The following C11orf52 variants were observed in gnomAD, a reference collection of about 807,000 sequenced individuals.
C11orf52 encodes the protein chromosome 11 open reading frame 52.
C11orf52 carries 9 observed loss-of-function variants against 11.7 expected under a neutral mutation model. The ratio of observed to expected loss-of-function variants is 0.77; its 90% CI spans 0.46 to 1.34. C11orf52 has a LOEUF of 1.34. Ranked by LOEUF, C11orf52 falls within the 40% of genes most tolerant of loss-of-function variation. The pLI is 0.00. For missense variants in C11orf52, 139 were observed against 154.8 expected (o/e 0.90, Z 0.54); for synonymous variants, 49 against 57.4 (o/e 0.85, Z 0.66).
At chr11:111,919,038 A>G (rs1555166306) in intron 1 of C11orf52, 34 bp downstream of exon 1, 1 of 1,613,604 alleles carries the variant, frequency 6.2e-7, no homozygotes, top group South Asian at 1.1e-5. Context: ...GGGAACATCT[A>G]TCTCTGTTGG....
At chr11:111,922,470 A>G (rs1386278281) in intron 1 of C11orf52, among the ~76,000 whole-genome samples, 3 of 152,228 alleles carry the variant, frequency 2.0e-5, no homozygotes, top group Non-Finnish European at 4.4e-5. Flanking sequence ...TTCTGCAACG[A>G]GCAGAAAATA....
At chr11:111,920,709 A>C (rs1257579946) in intron 1 of C11orf52, among the ~76,000 whole-genome samples, 1 of 152,200 alleles carries the variant, frequency 6.6e-6, no homozygotes, top group South Asian at 2.1e-4. Flanking sequence ...GGCTGCAGTG[A>C]ACCATGATCA....
intron 2 of C11orf52, 109 bp from the exon 3 acceptor site, chr11:111,925,544 G>T: frequency 9.4e-7 from 1 of 1,066,954 alleles, no homozygotes; most frequent in South Asian, 1.4e-5. Flanking sequence ...TGGAGGCAGG[G>T]GGATTAGACA....
chr11:111,919,665 A>G (rs1217866856), intron 1 of C11orf52, among the ~76,000 whole-genome samples: 1 of 152,144 alleles, frequency 6.6e-6, no homozygotes, highest in Admixed American at 6.5e-5. Context: ...TTACAGTCTC[A>G]TTTAATTTTT....
intron 1 of C11orf52, among the ~76,000 whole-genome samples, chr11:111,921,563 C>T (rs1162481292): frequency 1.3e-5 from 2 of 152,044 alleles, no homozygotes; most frequent in African/African-American, 4.8e-5. Flanking sequence ...AATAAAGCAC[C>T]CTTTAAACTC....
intron 1 of C11orf52, among the ~76,000 whole-genome samples, chr11:111,921,615 A>C (rs1438088606): frequency 1.3e-5 from 2 of 152,208 alleles, no homozygotes; most frequent in Non-Finnish European, 2.9e-5. Context: ...AGCACAGAAA[A>C]GCTTCTAGAG....
Position 111,926,423 on chromosome 11 carries a change from A to T in C11orf52, c.*224A>T. The T allele has an allele frequency of 1.6e-6, 1 of 629,934 alleles. No individual in the cohort carries two copies. Among genetic ancestry groups the T allele is most frequent in the East Asian group, 2.8e-5 (1 of 35,212 alleles). 39.0% of individuals were successfully genotyped at this position (629,934 alleles called of 1,614,324 possible). On this transcript the variant is annotated 3_prime_UTR_variant, in exon 4 of 4. Transcript: ENST00000278601. ...GGTTTAGCTATGGGTGGATAGCTAA[A>T]CTTAGCTATCCACATGAGGTTAGGT...
At chr11:111,924,392 G>C (rs1965752241) in intron 2 of C11orf52, 29 bp downstream of exon 2, 1 of 1,593,820 alleles carries the variant, frequency 6.3e-7, no homozygotes, top group Non-Finnish European at 8.6e-7. Flanking sequence ...GAGGGAATCT[G>C]GGGGAGGCAA....
chr11:111,925,751 C>G (rs1207685781), intron 3 of C11orf52, 37 bp downstream of exon 3: 2 of 1,609,626 alleles, frequency 1.2e-6, no homozygotes, highest in Non-Finnish European at 1.7e-6. Flanking sequence ...TGGGGCTGCT[C>G]GGACATGGGA....
intron 1 of C11orf52, 73 bp downstream of exon 1, chr11:111,919,077 A>G (rs1965644933): frequency 1.3e-6 from 2 of 1,555,288 alleles, no homozygotes; most frequent in African/African-American, 1.4e-5. Context: ...AAATCAGAGG[A>G]CCTGGAGATA....
At chr11:111,920,998 T>C (rs1379008185) in intron 1 of C11orf52, among the ~76,000 whole-genome samples, 2 of 152,164 alleles carry the variant, frequency 1.3e-5, no homozygotes, top group Non-Finnish European at 2.9e-5. Context: ...TAATAAATTA[T>C]CTGTGGGGTT....
chr11:111,924,182 T>C, intron 1 of C11orf52, 144 bp from the exon 2 acceptor site: 4 of 750,684 alleles, frequency 5.3e-6, no homozygotes, highest in Non-Finnish European at 8.9e-6. Flanking sequence ...GTTTTGGGAC[T>C]GAACCTGGCT....
intron 1 of C11orf52, among the ~76,000 whole-genome samples, chr11:111,920,545 A>G (rs186697416): frequency 4.6e-5 from 7 of 152,054 alleles, no homozygotes; most frequent in African/African-American, 1.7e-4. Flanking sequence ...CTTGAAAAAA[A>G]AAAAGAAAAG....
At chr11:111,919,163 T>G in intron 1 of C11orf52, 159 bp downstream of exon 1, 1 of 807,284 alleles carries the variant, frequency 1.2e-6, no homozygotes, top group Non-Finnish European at 2.0e-6. Flanking sequence ...AGCACCTCCT[T>G]TCAGGAGGCC....
chr11:111,919,130 C>T, intron 1 of C11orf52, 126 bp downstream of exon 1: 1 of 1,044,540 alleles, frequency 9.6e-7, no homozygotes, highest in Non-Finnish European at 1.4e-6. Context: ...CTGCCTGGTA[C>T]CTCCTTGTTC....
chr11:111,923,568 A>C (rs1965735110), intron 1 of C11orf52: 1 of 152,252 alleles, frequency 6.6e-6, no homozygotes, highest in South Asian at 2.1e-4. Flanking sequence ...CTATTTCCTC[A>C]GTCAGTGTTG....
chr11:111,925,630 T>TAA (rs1965784276), intron 2 of C11orf52, 23 bp from the exon 3 acceptor site: 3 of 1,612,346 alleles, frequency 1.9e-6, no homozygotes, highest in Non-Finnish European at 2.5e-6. Context: ...AGAATAAACT[T>TAA]AAGTTGGATT....
Position 111,924,728 on chromosome 11 carries a change from T to C in C11orf52, c.70+365T>C, listed in dbSNP as rs1276601505. Among the ~76,000 whole-genome samples the C allele has an allele frequency of 2.6e-5, 4 of 152,238 alleles. 1 individual carries two copies. The highest frequency in any genetic ancestry group is 4.8e-5 in the African/African-American group (2 of 41,462). On this transcript the variant is annotated intron_variant, in intron 2 of 3. Transcript: ENST00000278601. ...AAATCAAATTTAAGAGATAAATTCA[T>C]ATAAACAAACAGTTGTAATATCATC...
chr11:111,925,842 T>C (rs1555166904), intron 3 of C11orf52, 118 bp from the exon 4 acceptor site: 2 of 1,568,196 alleles, frequency 1.3e-6, no homozygotes, highest in Non-Finnish European at 1.7e-6. Flanking sequence ...TGTCCTCCTC[T>C]GTCTGTCCTT....
Sources: allele counts gnomAD v4.1 joint callset (sites outside exome capture counted in the v4.1 genomes callset), GRCh38; gene constraint gnomAD v4.1.1; transcripts MANE v1.5; gene names NCBI Gene and HGNC (gene_info 2026-07-23, HGNC 2026-07-21).